The following TAFA2 variants were observed in gnomAD, a reference collection of about 807,000 sequenced individuals.
TAFA2 encodes the protein TAFA chemokine like family member 2.
In TAFA2, 7 loss-of-function variants were observed where a neutral mutation model predicts 18.8. That is an observed-to-expected ratio of 0.37 (90% CI 0.21 to 0.70). The LOEUF (loss-of-function observed/expected upper bound fraction) is 0.70. TAFA2 is among the 30% of genes least tolerant of loss of function. TAFA2 has a pLI of 0.53. For missense variants in TAFA2, 122 were observed against 158.1 expected, an observed-to-expected ratio of 0.77 and a Z score of 1.23; for synonymous variants, 60 against 54.2, an observed-to-expected ratio of 1.11 and a Z score of -0.47.
At chr12:62,030,408 T>C (rs915528398) in intron 1 of TAFA2, among the ~76,000 whole-genome samples, 10 of 151,868 alleles carry the variant, frequency 6.6e-5, no homozygotes, top group Non-Finnish European at 5.9e-5. Flanking sequence ...CAAGAGAAGA[T>C]TGCTAGGTAA....
intron 1 of TAFA2, among the ~76,000 whole-genome samples, chr12:62,201,719 T>C (rs1472033972): frequency 6.6e-6 from 1 of 152,212 alleles, no homozygotes; most frequent in African/African-American, 2.4e-5. Context: ...GCTGTATTGC[T>C]GCAAGGTTCT....
chr12:62,020,675 A>G (rs9668420), intron 1 of TAFA2, among the ~76,000 whole-genome samples: 53,865 of 151,916 alleles, frequency 0.35, 9,962 homozygotes, highest in Non-Finnish European at 0.39. Flanking sequence ...GGCAACAGCT[A>G]CTCATTTAAG....
chr12:62,128,206 T>A (rs1205645675), intron 1 of TAFA2, among the ~76,000 whole-genome samples: 2 of 152,060 alleles, frequency 1.3e-5, no homozygotes, highest in Non-Finnish European at 2.9e-5. Context: ...AGGATTATGG[T>A]TTGAGATAGA....
intron 1 of TAFA2, among the ~76,000 whole-genome samples, chr12:62,093,156 C>T (rs11174308): frequency 0.18 from 27,289 of 151,840 alleles, 2,737 homozygotes; most frequent in East Asian, 0.39. Context: ...TGCTTTATTG[C>T]TGAATCTCTG....
chr12:62,058,208 A>G (rs980277491), intron 1 of TAFA2, among the ~76,000 whole-genome samples: 1 of 152,122 alleles, frequency 6.6e-6, no homozygotes, highest in African/African-American at 2.4e-5. Context: ...GGAGCTGATT[A>G]TAAGATCATC....
chr12:62,182,128 T>C (rs534509969), intron 1 of TAFA2, among the ~76,000 whole-genome samples: 1 of 152,278 alleles, frequency 6.6e-6, no homozygotes, highest in African/African-American at 2.4e-5. Flanking sequence ...TAAAATTGAC[T>C]TTGTATACTA....
At chr12:61,973,783 G>A (rs763065284) in intron 1 of TAFA2, among the ~76,000 whole-genome samples, 14 of 151,624 alleles carry the variant, frequency 9.2e-5, no homozygotes, top group Admixed American at 4.0e-4. Flanking sequence ...AAAATCCCCC[G>A]ACCCTGGCTA....
At chr12:61,750,276 T>C (rs1415952467) in intron 4 of TAFA2, among the ~76,000 whole-genome samples, 2 of 152,134 alleles carry the variant, frequency 1.3e-5, no homozygotes, top group East Asian at 3.9e-4. Flanking sequence ...TTAGGAGATC[T>C]TAAAAGTAAT....
At chr12:61,978,833 C>A (rs1234758103) in intron 1 of TAFA2, among the ~76,000 whole-genome samples, 3 of 152,024 alleles carry the variant, frequency 2.0e-5, no homozygotes, top group Admixed American at 2.0e-4. Context: ...GGATTGAAGT[C>A]CCAAGTGAGC....
intron 1 of TAFA2, among the ~76,000 whole-genome samples, chr12:62,074,698 A>ATTTTT (rs67195424): frequency 7.3e-6 from 1 of 137,654 alleles, no homozygotes; most frequent in African/African-American, 2.8e-5. Flanking sequence ...AACTACATGA[A>ATTTTT]TTTTTTTTTT....
At chr12:61,895,255 A>G (rs1875792871) in intron 1 of TAFA2, among the ~76,000 whole-genome samples, 1 of 152,178 alleles carries the variant, frequency 6.6e-6, no homozygotes, top group Non-Finnish European at 1.5e-5. Context: ...ATCAGTTGAG[A>G]AAAATGAGAC....
At chr12:61,721,366 A>C (rs887700862) in intron 4 of TAFA2, among the ~76,000 whole-genome samples, 1 of 152,194 alleles carries the variant, frequency 6.6e-6, no homozygotes, top group Non-Finnish European at 1.5e-5. Flanking sequence ...TAATTCAAAG[A>C]TAAAATATTT....
intron 4 of TAFA2, among the ~76,000 whole-genome samples, chr12:61,713,208 G>C (rs1182757253): frequency 6.6e-6 from 1 of 152,092 alleles, no homozygotes; most frequent in East Asian, 1.9e-4. Context: ...CCAATCAAAG[G>C]TGGCCAACTG....
intron 2 of TAFA2, among the ~76,000 whole-genome samples, chr12:61,860,876 TA>T (rs1401004444): frequency 2.0e-5 from 3 of 152,234 alleles, no homozygotes; most frequent in Non-Finnish European, 4.4e-5. Flanking sequence ...CTATTTGTGT[TA>T]TTATCTGATT....
intron 1 of TAFA2, among the ~76,000 whole-genome samples, chr12:61,940,821 G>A (rs1014694444): frequency 1.3e-5 from 2 of 152,158 alleles, no homozygotes. Context: ...GAATGCCGCT[G>A]AATGCCACTA....
chr12:61,892,616 C>T (rs996221048), intron 1 of TAFA2, among the ~76,000 whole-genome samples: 1 of 152,162 alleles, frequency 6.6e-6, no homozygotes, highest in African/African-American at 2.4e-5. Context: ...GCTGGCAGAT[C>T]ACTTGAGGTC....
intron 2 of TAFA2, among the ~76,000 whole-genome samples, chr12:61,755,611 C>A (rs543872499): frequency 1.3e-5 from 2 of 152,192 alleles, no homozygotes; most frequent in African/African-American, 4.8e-5. Flanking sequence ...GTCCCAGAAG[C>A]CAGAGTCATT....
intron 2 of TAFA2, among the ~76,000 whole-genome samples, chr12:61,818,745 C>G (rs1872199291): frequency 2.6e-5 from 4 of 151,916 alleles, no homozygotes; most frequent in Admixed American, 2.0e-4. Context: ...TCCAAAGACT[C>G]TATTCAAAAT....
chr12:62,164,617 C>G (rs75280905), intron 1 of TAFA2, among the ~76,000 whole-genome samples: 2 of 152,004 alleles, frequency 1.3e-5, no homozygotes, highest in Non-Finnish European at 2.9e-5. Flanking sequence ...CAAACCTGTA[C>G]GTGTACCTGT....
Sources: gnomAD v4.1 joint callset for allele counts (sites outside exome capture counted in the v4.1 genomes callset) on GRCh38, gnomAD v4.1.1 for gene constraint, MANE v1.5 for transcripts, NCBI Gene and HGNC (gene_info 2026-07-23, HGNC 2026-07-21) for gene names.